The following TENM3 variants were observed in gnomAD, a reference collection of about 807,000 sequenced individuals.
TENM3 encodes teneurin transmembrane protein 3.
TENM3 carries 63 observed loss-of-function variants against 255.1 expected under a neutral mutation model. That is an observed-to-expected ratio of 0.25 (90% CI 0.20 to 0.30). The LOEUF is 0.30. TENM3 is among the 10% of genes least tolerant of loss of function. The pLI is 1.00. For synonymous variants in TENM3, 1,306 were observed against 1,322.3 expected, an observed-to-expected ratio of 0.99 and a Z score of 0.27; for missense variants, 2,929 against 3,461.1, an observed-to-expected ratio of 0.85 and a Z score of 3.86.
At chr4:182,063,132 A>C in the TENM3 span, among the ~76,000 whole-genome samples, 9 of 152,240 alleles carry the variant, frequency 5.9e-5, no homozygotes, top group Non-Finnish European at 8.8e-5. Flanking sequence ...ATTCATTTTC[A>C]ATAACATCAG....
At chr4:182,681,587 T>A (rs974690004) in intron 10 of TENM3, among the ~76,000 whole-genome samples, 7 of 152,218 alleles carry the variant, frequency 4.6e-5, no homozygotes, top group Non-Finnish European at 8.8e-5. Context: ...TCAGGAAAAT[T>A]ACAAATCCTT....
the TENM3 span, among the ~76,000 whole-genome samples, chr4:181,687,249 G>T: frequency 6.6e-6 from 1 of 152,242 alleles, no homozygotes; most frequent in East Asian, 1.9e-4. Context: ...TACTGAAAAT[G>T]ACTATTATTT....
At chr4:182,196,232 C>T (rs1013087483) in intron 1 of TENM3, among the ~76,000 whole-genome samples, 6 of 152,040 alleles carry the variant, frequency 3.9e-5, no homozygotes, top group Admixed American at 2.0e-4. Flanking sequence ...GAGTCTCTTC[C>T]GCTTGAAGAT....
chr4:181,678,514 G>C, the TENM3 span, among the ~76,000 whole-genome samples: 4 of 152,020 alleles, frequency 2.6e-5, no homozygotes, highest in Admixed American at 1.3e-4. Context: ...GAACATGTCT[G>C]TTTTTCTCTC....
chr4:182,578,365 T>C (rs1448105529), intron 3 of TENM3, among the ~76,000 whole-genome samples: 1 of 152,210 alleles, frequency 6.6e-6, no homozygotes, highest in African/African-American at 2.4e-5. Context: ...CATTTACTAA[T>C]TTATTATGTT....
chr4:182,681,772 T>C, intron 10 of TENM3, 42 bp from the exon 11 acceptor site: 1 of 1,444,848 alleles, frequency 6.9e-7, no homozygotes, highest in South Asian at 1.2e-5. Flanking sequence ...TGCACTATGA[T>C]ATCTTCTGGA....
intron 1 of TENM3, 37 bp from the exon 2 acceptor site, chr4:182,323,909 G>A (rs527543015): frequency 1.7e-5 from 15 of 859,026 alleles, no homozygotes; most frequent in East Asian, 1.6e-4. Context: ...TTAGGTGAAC[G>A]TCATGCTGAC....
Position 182,799,505 on chromosome 4 carries a change from C to G in TENM3, c.7345-91C>G. 1 of 1,476,872 alleles carries G rather than the reference C, an allele frequency of 6.8e-7. No homozygotes were observed. Among genetic ancestry groups the G allele is most frequent in the Non-Finnish European group, 8.9e-7 (1 of 1,119,840 alleles). The allele number at this position is 1,476,872 out of a possible 1,614,324, so 91.5% of individuals were successfully genotyped here. A position where few individuals can be genotyped will look rare whatever the true frequency, so the allele number is the denominator to read the frequency against. ...GGACCCCGGGGCTTCCATGCATGCCCCGGCGCTGCCCCCAGAGTCCCGTGT... is the reference window on the plus strand; with the variant it reads ...GGACCCCGGGGCTTCCATGCATGCCGCGGCGCTGCCCCCAGAGTCCCGTGT... On this transcript the variant is annotated intron_variant, in intron 27 of 27. Transcript: ENST00000511685. The surrounding 1 kb of genome is among the most constrained non-coding windows in gnomAD (Gnocchi z 4.2).
intron 3 of TENM3, among the ~76,000 whole-genome samples, chr4:182,425,164 C>G (rs997257110): frequency 3.3e-5 from 5 of 152,136 alleles, no homozygotes; most frequent in Non-Finnish European, 2.9e-5. Context: ...AGCTGCTGTG[C>G]TGTTTAAAAA....
chr4:182,706,876 C>G (rs1395329303), intron 12 of TENM3, among the ~76,000 whole-genome samples: 1 of 151,810 alleles, frequency 6.6e-6, no homozygotes, highest in Non-Finnish European at 1.5e-5. Flanking sequence ...ATCACCCAAG[C>G]CCGGGAAGTT....
chr4:182,229,635 T>TAC (rs567930378), intron 1 of TENM3, among the ~76,000 whole-genome samples: 363 of 147,004 alleles, frequency 2.5e-3, no homozygotes, highest in African/African-American at 8.3e-3. Context: ...TATATATATA[T>TAC]ACACACACAC....
intron 6 of TENM3, among the ~76,000 whole-genome samples, chr4:182,668,454 C>T (rs763455833): frequency 1.1e-4 from 17 of 152,198 alleles, no homozygotes; most frequent in Admixed American, 2.6e-4. Context: ...ATGACCCCCA[C>T]GGGTACTAGA....
At chr4:181,997,457 AT>A in the TENM3 span, among the ~76,000 whole-genome samples, 5 of 152,148 alleles carry the variant, frequency 3.3e-5, no homozygotes, top group Non-Finnish European at 7.4e-5. Flanking sequence ...ATGAGATCAT[AT>A]TGGCCTCATG....
chr4:182,066,776 TG>T, the TENM3 span, among the ~76,000 whole-genome samples: 2 of 151,898 alleles, frequency 1.3e-5, no homozygotes, highest in African/African-American at 2.4e-5. Context: ...CCGGGCGTGG[TG>T]GCAGGCGCCT....
chr4:182,107,151 TACACACACACACACACAC>T, the TENM3 span, among the ~76,000 whole-genome samples: 4,945 of 146,058 alleles, frequency 0.034, 109 homozygotes, highest in Non-Finnish European at 0.049. Context: ...AAACAGAACA[TACACACACACACACACAC>T]ACACACACAC....
At chr4:181,482,526 G>T in the TENM3 span, among the ~76,000 whole-genome samples, 1 of 152,106 alleles carries the variant, frequency 6.6e-6, no homozygotes, top group South Asian at 2.1e-4. Flanking sequence ...AGATATGTAT[G>T]ATTCTTCCAA....
At chr4:182,029,483 T>C in the TENM3 span, among the ~76,000 whole-genome samples, 1 of 120,920 alleles carries the variant, frequency 8.3e-6, no homozygotes, top group African/African-American at 2.8e-5. Context: ...TTTAGCTCTA[T>C]CAATATTTGC....
chr4:182,186,640 C>T (rs1753168468), intron 1 of TENM3, among the ~76,000 whole-genome samples: 1 of 150,374 alleles, frequency 6.7e-6, no homozygotes, highest in Admixed American at 6.6e-5. Flanking sequence ...ACTTCTGGAT[C>T]AGTACTGATC....
chr4:182,383,020 T>C (rs1767676343), intron 3 of TENM3, among the ~76,000 whole-genome samples: 2 of 152,190 alleles, frequency 1.3e-5, no homozygotes, highest in South Asian at 4.1e-4. Context: ...TAAGGAAGAC[T>C]ATTCAGAATT....
Sources: gnomAD v4.1 joint callset for allele counts (sites outside exome capture counted in the v4.1 genomes callset) on GRCh38, gnomAD v4.1.1 for gene constraint, Gnocchi (gnomAD v3.1) non-coding constraint, MANE v1.5 for transcripts, NCBI Gene and HGNC (gene_info 2026-07-23, HGNC 2026-07-21) for gene names.